The following SPON1 variants were observed in gnomAD, a reference collection of about 807,000 sequenced individuals.
SPON1 encodes spondin-1.
A neutral mutation model predicts 111.7 loss-of-function variants in SPON1; 52 were observed. The observed-to-expected ratio is 0.47, with a 90% confidence interval of 0.37 to 0.59. SPON1 has a LOEUF of 0.59. Among genes scored for constraint, SPON1 ranks in the 20% least tolerant of loss-of-function variants. The pLI is 0.00. For synonymous variants in SPON1, 410 were observed against 395.8 expected (o/e 1.04, Z -0.43); for missense variants, 957 against 1,068.5 (o/e 0.90, Z 1.46).
chr11:14,101,897 G>A (rs1222622114), intron 5 of SPON1, among the ~76,000 whole-genome samples: 1 of 152,126 alleles, frequency 6.6e-6, no homozygotes, highest in Non-Finnish European at 1.5e-5. Flanking sequence ...TGCAAGAATA[G>A]CACACAGAAC....
At chr11:13,971,184 C>T (rs1029162139) in intron 1 of SPON1, among the ~76,000 whole-genome samples, 4 of 152,150 alleles carry the variant, frequency 2.6e-5, no homozygotes, top group Non-Finnish European at 4.4e-5. Context: ...GCCACAGGGG[C>T]GTTGGCCAGA....
intron 2 of SPON1, among the ~76,000 whole-genome samples, chr11:14,028,252 C>T (rs1848533339): frequency 6.6e-6 from 1 of 152,048 alleles, no homozygotes; most frequent in African/African-American, 2.4e-5. Context: ...GAGGCTGAGG[C>T]AGGAGGATTG....
At chr11:14,198,142 C>A (rs572429678) in intron 6 of SPON1, among the ~76,000 whole-genome samples, 1 of 152,194 alleles carries the variant, frequency 6.6e-6, no homozygotes, top group Non-Finnish European at 1.5e-5. Context: ...GCTCTCAAAT[C>A]GGTGCCTAAT....
At chr11:14,220,900 C>T (rs978170347) in intron 6 of SPON1, among the ~76,000 whole-genome samples, 8 of 152,028 alleles carry the variant, frequency 5.3e-5, no homozygotes, top group Non-Finnish European at 1.2e-4. Flanking sequence ...AAAATAGGAA[C>T]AAAGTGGCAA....
chr11:14,155,902 T>C lies in SPON1; in HGVS notation c.825+20334T>C, dbSNP rs1394913821. Among the ~76,000 whole-genome samples, 13 of 131,928 alleles carry C rather than the reference T, an allele frequency of 9.9e-5. No homozygotes were observed. The East Asian group carries it at 3.0e-3, about 30-fold the overall frequency. The allele number at this position is 131,928 out of a possible 152,430, so 86.5% of individuals were successfully genotyped here. The stretch of plus-strand genomic sequence containing the variant: ...ATTTTCTTAATCCAGTCTATCATTG[T>C]TGGACATTTGGGTTGGTTCCAAGTC... On this transcript the variant is annotated intron_variant, in intron 6 of 15. Transcript: ENST00000576479.
At chr11:14,262,443 C>T in intron 14 of SPON1, 1 of 522,474 alleles carries the variant, frequency 1.9e-6, no homozygotes, top group South Asian at 2.1e-5. Flanking sequence ...GCTCTGAACA[C>T]ATCCTGAAAG....
chr11:14,061,616 A>G (rs1247383490), intron 3 of SPON1, among the ~76,000 whole-genome samples: 7 of 152,242 alleles, frequency 4.6e-5, no homozygotes, highest in Non-Finnish European at 5.9e-5. Flanking sequence ...AAGTGTGCTA[A>G]TGGTATCAGA....
At chr11:14,009,352 C>T (rs190805516) in intron 2 of SPON1, among the ~76,000 whole-genome samples, 155 of 152,256 alleles carry the variant, frequency 1.0e-3, no homozygotes, top group Middle Eastern at 3.4e-3. Context: ...CTTCTATGAA[C>T]GCTCCCAGTT....
chr11:14,032,743 C>A (rs1848568224), intron 2 of SPON1, among the ~76,000 whole-genome samples: 1 of 152,188 alleles, frequency 6.6e-6, no homozygotes, highest in Admixed American at 6.5e-5. Context: ...TACTCTATCA[C>A]ACTACTTCTC....
At chr11:14,194,612 C>T (rs564246981) in intron 6 of SPON1, among the ~76,000 whole-genome samples, 6 of 151,908 alleles carry the variant, frequency 3.9e-5, no homozygotes, top group Admixed American at 2.0e-4. Flanking sequence ...TATTTACACT[C>T]GCTCATCTAT....
At chr11:14,066,622 G>A (rs1848834518) in intron 3 of SPON1, among the ~76,000 whole-genome samples, 1 of 152,102 alleles carries the variant, frequency 6.6e-6, no homozygotes, top group Non-Finnish European at 1.5e-5. Flanking sequence ...TCACCTTACA[G>A]GCATGTGAAA....
chr11:14,107,948 C>T (rs1849198097), intron 5 of SPON1, among the ~76,000 whole-genome samples: 2 of 152,184 alleles, frequency 1.3e-5, no homozygotes, highest in Non-Finnish European at 2.9e-5. Context: ...ATGGAAGCTA[C>T]TTAACGTGTC....
chr11:13,981,394 G>A (rs1051028217), intron 1 of SPON1, among the ~76,000 whole-genome samples: 14 of 152,028 alleles, frequency 9.2e-5, no homozygotes, highest in East Asian at 1.9e-4. Context: ...TGGCACAATC[G>A]CGGCTTACTG....
rs1554921317 is a variant in SPON1, at chr11:14,075,342, C to T, written c.480-3C>T. On this transcript the variant is annotated splice_region_variant and splice_polypyrimidine_tract_variant and intron_variant, in intron 3 of 15. Coordinates refer to ENST00000576479, the MANE Select transcript of SPON1 (RefSeq NM_006108.4). ...ACTGTGCTTGGGTCTTCTTTCTTCA[C>T]AGGGCCAGCATCGTACAAAAACGCA... The T allele has an allele frequency of 4.5e-6, 7 of 1,556,286 alleles. No individual in the cohort carries two copies. Among genetic ancestry groups the T allele is most frequent in the Non-Finnish European group, 1.7e-6 (2 of 1,148,872 alleles).
At position 14,141,029 on chromosome 11, in the gene SPON1, C is replaced by CCACCA. The variant is rs71041572; in HGVS notation, c.825+5461_825+5462insCACCA. ...CCACTGTATGCAGGCGTGCCCCCCC[C>CCACCA]ATGCCCCACTTCTCACTGGCTCAAG... is the stretch of plus-strand genomic sequence containing the variant. On this transcript the variant is annotated intron_variant, in intron 6 of 15. Coordinates refer to ENST00000576479, the MANE Select transcript of SPON1 (RefSeq NM_006108.4). Among the ~76,000 whole-genome samples, 159 of 132,372 alleles carry CCACCA rather than the reference C, an allele frequency of 1.2e-3. 6 individuals carry two copies. The highest frequency in any genetic ancestry group is 4.1e-3 in the African/African-American group (149 of 36,370). The allele number at this position is 132,372 out of a possible 152,430, so 86.8% of individuals were successfully genotyped here.
intron 6 of SPON1, among the ~76,000 whole-genome samples, chr11:14,233,582 T>C (rs928868644): frequency 6.6e-6 from 1 of 152,150 alleles, no homozygotes; most frequent in South Asian, 2.1e-4. Context: ...AACTAATTCA[T>C]TATTTATCCC....
At position 14,260,743 on chromosome 11, in the gene SPON1, C is replaced by T; in HGVS notation, c.1987C>T (p.Pro663Ser). 6.2e-7 allele frequency: 1 copy of T among 1,613,386 alleles called. No individual in the cohort carries two copies. The highest frequency in any genetic ancestry group is 8.5e-7 in the Non-Finnish European group (1 of 1,179,574). ...GGAGCAGGTGGAGAAGTGCATGCTC[C>T]CTGAATGCCGTAAGTCCTGGAGCTC... Reference protein sequence around the residue: ...DLEQVEKCMLPECPIDCELTE... With the variant: ...DLEQVEKCMLSECPIDCELTE... The change falls in exon 14 of 16, where the codon CCT (proline) becomes TCT (serine). Residue 663 changes from proline to serine, a missense_variant. By Grantham distance (74) the Pro-to-Ser change is moderately conservative (BLOSUM62 -1). Around this residue, in one of 5 missense-constraint regions of SPON1, gnomAD observed 549 missense variants for 606.2 expected, o/e 0.91. Transcript: ENST00000576479.
At chr11:14,013,894 T>C (rs1010176004) in intron 2 of SPON1, among the ~76,000 whole-genome samples, 1 of 152,178 alleles carries the variant, frequency 6.6e-6, no homozygotes, top group Admixed American at 6.5e-5. Flanking sequence ...TTCCCAAACC[T>C]GTAGGGTGTT....
chr11:14,154,619 A>G (rs1554930200), intron 6 of SPON1, among the ~76,000 whole-genome samples: 1 of 152,248 alleles, frequency 6.6e-6, no homozygotes, highest in Non-Finnish European at 1.5e-5. Context: ...AATGCCTTAC[A>G]GGCATTTTTC....
Sources: gnomAD v4.1 joint callset for allele counts (sites outside exome capture counted in the v4.1 genomes callset) on GRCh38, gnomAD v4.1.1 for gene constraint, gnomAD v4.1.1 regional missense constraint, MANE v1.5 for transcripts, NCBI Gene and HGNC (gene_info 2026-07-23, HGNC 2026-07-21) for gene names.